The following GLRA3 variants were observed in gnomAD, a reference collection of about 807,000 sequenced individuals.
The protein encoded by GLRA3 is glycine receptor alpha 3, also known as glycine receptor subunit alpha-3.
GLRA3 carries 44 observed loss-of-function variants against 60.4 expected under a neutral mutation model. The ratio of observed to expected loss-of-function variants is 0.73; its 90% confidence interval spans 0.57 to 0.94. The LOEUF is 0.94. GLRA3 is among the 40% of genes least tolerant of loss of function. GLRA3 has a pLI of 0.00. For synonymous variants in GLRA3, 223 were observed against 192.9 expected (o/e 1.16, Z -1.29); for missense variants, 508 against 564.6 (o/e 0.90, Z 1.02).
intron 5 of GLRA3, among the ~76,000 whole-genome samples, chr4:174,709,832 A>C (rs535604753): frequency 1.3e-5 from 2 of 152,206 alleles, no homozygotes; most frequent in East Asian, 3.9e-4. Context: ...GTAACAGTAA[A>C]GATTCAACTT....
chr4:174,790,961 G>A (rs1331456121), intron 1 of GLRA3, among the ~76,000 whole-genome samples: 1 of 148,106 alleles, frequency 6.8e-6, no homozygotes, highest in African/African-American at 2.5e-5. Flanking sequence ...CCGAGATCAC[G>A]CGACGGCACT....
At chr4:174,678,633 T>G (rs1053992667) in intron 6 of GLRA3, among the ~76,000 whole-genome samples, 2 of 152,134 alleles carry the variant, frequency 1.3e-5, no homozygotes, top group African/African-American at 4.8e-5. Flanking sequence ...CAACAAAAGT[T>G]CATAAAGTCC....
At chr4:174,651,112 C>T (rs7698893) in intron 9 of GLRA3, among the ~76,000 whole-genome samples, 81,320 of 151,982 alleles carry the variant, frequency 0.54, 23,160 homozygotes, top group African/African-American at 0.74. Context: ...AACAAGGCAT[C>T]TTTATATTAG....
chr4:174,813,599 G>A (rs1207128424), intron 1 of GLRA3, among the ~76,000 whole-genome samples: 1 of 152,116 alleles, frequency 6.6e-6, no homozygotes, highest in Non-Finnish European at 1.5e-5. Context: ...CCACTTCAAA[G>A]ATATAATTGT....
chr4:174,686,689 A>G (rs1734565294), intron 5 of GLRA3, among the ~76,000 whole-genome samples: 1 of 152,212 alleles, frequency 6.6e-6, no homozygotes, highest in Non-Finnish European at 1.5e-5. Context: ...CCTAGGCCTC[A>G]TTTGAGCTGG....
intron 7 of GLRA3, among the ~76,000 whole-genome samples, chr4:174,674,780 C>G (rs1734047918): frequency 6.6e-6 from 1 of 152,126 alleles, no homozygotes; most frequent in African/African-American, 2.4e-5. Flanking sequence ...TGGCAAGACT[C>G]TCAGACTTCT....
intron 2 of GLRA3, among the ~76,000 whole-genome samples, chr4:174,787,859 C>T (rs1739180313): frequency 1.3e-5 from 2 of 152,000 alleles, no homozygotes; most frequent in South Asian, 4.1e-4. Context: ...TCCACTCAGA[C>T]ATTATCAGTG....
intron 3 of GLRA3, among the ~76,000 whole-genome samples, chr4:174,732,759 TTCTC>T (rs5864288): frequency 2.4e-4 from 36 of 147,990 alleles, no homozygotes; most frequent in Non-Finnish European, 5.1e-4. Context: ...ACCAAGCAAT[TTCTC>T]TCTCTCTCTC....
intron 5 of GLRA3, among the ~76,000 whole-genome samples, chr4:174,711,444 TA>T (rs200999723): frequency 8.6e-4 from 92 of 107,192 alleles, no homozygotes; most frequent in East Asian, 1.4e-3. Flanking sequence ...TATATATATA[TA>T]TTTTTTTTTT....
At chr4:174,738,379 C>T (rs1028684340) in intron 3 of GLRA3, among the ~76,000 whole-genome samples, 10 of 152,174 alleles carry the variant, frequency 6.6e-5, no homozygotes, top group Admixed American at 6.5e-4. Flanking sequence ...AATATTTCTA[C>T]ATTTACAGGT....
rs1732555863 is a variant in GLRA3, at chr4:174,638,556, A to T, written c.*5230T>A. 6.6e-6 allele frequency: 1 copy of T among 152,244 alleles called. No homozygotes were observed. The highest frequency in any genetic ancestry group is 6.5e-5 in the Admixed American group (1 of 15,274). 9.4% of individuals were successfully genotyped at this position (152,244 alleles called of 1,614,324 possible). On this transcript the variant is annotated 3_prime_UTR_variant, in exon 10 of 10. Coordinates refer to ENST00000274093, the MANE Select transcript of GLRA3 (RefSeq NM_006529.4). ...AGTGATTTGACTGCCTCGGCCTCCCAAAGTGCTGGGATTACAGGCGTGAGC... is the reference window on the plus strand; with the variant it reads ...AGTGATTTGACTGCCTCGGCCTCCCTAAGTGCTGGGATTACAGGCGTGAGC...
chr4:174,756,266 A>G (rs1417729119), intron 3 of GLRA3, among the ~76,000 whole-genome samples: 1 of 152,214 alleles, frequency 6.6e-6, no homozygotes, highest in African/African-American at 2.4e-5. Context: ...GGAAACCAGC[A>G]TAATACTGAT....
At chr4:174,670,765 T>C (rs1733873551) in intron 7 of GLRA3, among the ~76,000 whole-genome samples, 2 of 152,150 alleles carry the variant, frequency 1.3e-5, no homozygotes, top group South Asian at 4.1e-4. Flanking sequence ...AGGTCCTAAG[T>C]AGGTCCTTGA....
chr4:174,798,541 G>T lies in GLRA3; in HGVS notation c.72-9598C>A, dbSNP rs186657128. Among the ~76,000 whole-genome samples, 88 of 152,310 alleles carry T rather than the reference G, an allele frequency of 5.8e-4. 1 individual carries two copies. The highest frequency in any genetic ancestry group is 1.0e-3 in the Non-Finnish European group (71 of 68,028). On this transcript the variant is annotated intron_variant, in intron 1 of 9. Transcript: ENST00000274093. ...AAAGTGGCTAAGAAAAAGAATCATTGCAGTGAAGACACTACCAGTGAAGTA... is the reference window on the plus strand; with the variant it reads ...AAAGTGGCTAAGAAAAAGAATCATTTCAGTGAAGACACTACCAGTGAAGTA...
intron 7 of GLRA3, among the ~76,000 whole-genome samples, chr4:174,671,864 T>C (rs1733920138): frequency 6.6e-6 from 1 of 152,128 alleles, no homozygotes; most frequent in African/African-American, 2.4e-5. Context: ...TTGGCTAGGC[T>C]GTTCTGAAAC....
At chr4:174,728,025 C>T (rs192425177) in intron 4 of GLRA3, among the ~76,000 whole-genome samples, 72 of 152,016 alleles carry the variant, frequency 4.7e-4, no homozygotes, top group African/African-American at 1.6e-3. Flanking sequence ...AAAGAATGAC[C>T]AGAGAAGCTC....
chr4:174,797,217 T>C (rs939549979), intron 1 of GLRA3, among the ~76,000 whole-genome samples: 2 of 152,246 alleles, frequency 1.3e-5, no homozygotes, highest in Non-Finnish European at 2.9e-5. Context: ...AAGCCATTTC[T>C]ATTTTGTCTA....
At chr4:174,691,338 G>C (rs1161770726) in intron 5 of GLRA3, among the ~76,000 whole-genome samples, 1 of 152,090 alleles carries the variant, frequency 6.6e-6, no homozygotes. Flanking sequence ...CTGGCCACTT[G>C]TCTTCTTTTG....
At chr4:174,815,891 T>G (rs1316212862) in intron 1 of GLRA3, among the ~76,000 whole-genome samples, 1 of 152,224 alleles carries the variant, frequency 6.6e-6, no homozygotes, top group Non-Finnish European at 1.5e-5. Flanking sequence ...TTCCCATTAC[T>G]TATGTAAATT....
Sources: gnomAD v4.1 joint callset for allele counts (sites outside exome capture counted in the v4.1 genomes callset) on GRCh38, gnomAD v4.1.1 for gene constraint, MANE v1.5 for transcripts, NCBI Gene and HGNC (gene_info 2026-07-23, HGNC 2026-07-21) for gene names.